The following CFAP36 variants were observed in gnomAD, a reference collection of about 807,000 sequenced individuals.
CFAP36 encodes the protein cilia and flagella associated protein 36.
A neutral mutation model predicts 50.5 loss-of-function variants in CFAP36; 37 were observed. The observed-to-expected ratio is 0.73, with a 90% CI of 0.56 to 0.96. CFAP36 has a LOEUF of 0.96. Among genes scored for constraint, CFAP36 ranks in the 50% least tolerant of loss-of-function variants. The probability of loss-of-function intolerance (pLI) is 0.00; values close to 1 mark genes in which losing one functional copy is unlikely to be tolerated. For missense variants in CFAP36, 407 were observed against 396.2 expected, an observed-to-expected ratio of 1.03 and a Z score of -0.23; for synonymous variants, 138 against 128.2, an observed-to-expected ratio of 1.08 and a Z score of -0.52.
At chr2:55,534,877 T>G (rs530645568) in intron 5 of CFAP36, among the ~76,000 whole-genome samples, 2 of 152,278 alleles carry the variant, frequency 1.3e-5, no homozygotes, top group African/African-American at 4.8e-5. Context: ...GATGCAGTGC[T>G]TAATTTCGGG....
intron 5 of CFAP36, among the ~76,000 whole-genome samples, chr2:55,535,448 C>A (rs922501720): frequency 6.6e-6 from 1 of 152,138 alleles, no homozygotes; most frequent in African/African-American, 2.4e-5. Context: ...ATCTGTTGAT[C>A]TTTATTCAGC....
chr2:55,543,257 T>A (rs1684687106), intron 7 of CFAP36, among the ~76,000 whole-genome samples: 1 of 152,144 alleles, frequency 6.6e-6, no homozygotes. Flanking sequence ...AACAATCACC[T>A]TATAATAAAA....
intron 7 of CFAP36, chr2:55,538,835 G>T: frequency 6.5e-7 from 1 of 1,533,476 alleles, no homozygotes; most frequent in Middle Eastern, 1.7e-4. Flanking sequence ...GACTTACCTT[G>T]GTCTTCTGAC....
At chr2:55,520,023 T>G in intron 1 of CFAP36, 107 bp downstream of exon 1, 2 of 965,520 alleles carry the variant, frequency 2.1e-6, no homozygotes, top group Non-Finnish European at 1.6e-6. Flanking sequence ...ACCCCCTGTC[T>G]CCACCCCTGT....
chr2:55,533,441 C>T (rs1028884992), intron 4 of CFAP36, among the ~76,000 whole-genome samples: 19 of 152,110 alleles, frequency 1.2e-4, no homozygotes, highest in Admixed American at 9.2e-4. Flanking sequence ...TGGTGGCTCA[C>T]GTCTGTAATC....
intron 3 of CFAP36, among the ~76,000 whole-genome samples, chr2:55,528,275 A>T (rs1684261736): frequency 1.3e-5 from 2 of 151,866 alleles, no homozygotes; most frequent in Admixed American, 6.6e-5. Flanking sequence ...TTTATTGCTG[A>T]TCATCTTTCT....
Position 55,522,167 on chromosome 2 carries a change from G to A in CFAP36, c.180+1G>A. The A allele has an allele frequency of 6.7e-7, 1 of 1,489,184 alleles. No individual in the cohort carries two copies. The highest frequency in any genetic ancestry group is 9.2e-7 in the Non-Finnish European group (1 of 1,090,108). The allele number at this position is 1,489,184 out of a possible 1,614,324, so 92.2% of individuals were successfully genotyped here. ...GATTCATCAGGAATACAAAGAACTA[G>A]TGAGTATTTTTTTTCACTGATTTTT... On this transcript the variant is annotated splice_donor_variant, in intron 2 of 9. Coordinates refer to ENST00000349456, the MANE Select transcript of CFAP36 (RefSeq NM_080667.7). LOFTEE classifies it high-confidence loss of function.
chr2:55,537,294 C>G (rs1425800037), intron 6 of CFAP36, among the ~76,000 whole-genome samples, 189 bp from the exon 7 acceptor site: 1 of 152,186 alleles, frequency 6.6e-6, no homozygotes, highest in South Asian at 2.1e-4. Flanking sequence ...TCATTTAAAT[C>G]CAGGAGCCGG....
chr2:55,523,587 G>A (rs1174903479), intron 2 of CFAP36, 134 bp from the exon 3 acceptor site: 3 of 502,694 alleles, frequency 6.0e-6, no homozygotes, highest in Non-Finnish European at 1.1e-5. Flanking sequence ...GAAAGACAAT[G>A]TCACTGTCAT....
chr2:55,522,385 T>C (rs1354181667), intron 2 of CFAP36, among the ~76,000 whole-genome samples: 1 of 152,252 alleles, frequency 6.6e-6, no homozygotes, highest in Non-Finnish European at 1.5e-5. Context: ...TTTACAACTC[T>C]TTATGGGTTC....
rs1425473622 is a variant in CFAP36, at chr2:55,528,958, G to C, written c.363G>C (p.Gln121His). Residue 121 changes from glutamine (Q) to histidine (H), a missense_variant, in exon 4 of 10, where the codon CAG becomes CAC. By Grantham distance (24) the Gln-to-His change is conservative (BLOSUM62 0). Coordinates refer to ENST00000349456, the MANE Select transcript of CFAP36 (RefSeq NM_080667.7). ...TGGTCCAGAAAAACATTGAAATGCA[G>C]CTGCAAGCCATTCGAATAATTCAAG... ...AMMVQKNIEM[Q>H]LQAIRIIQER... is the part of the protein sequence containing the mutation. The C allele has an allele frequency of 1.2e-6, 2 of 1,610,928 alleles. No individual in the cohort carries two copies. Among genetic ancestry groups the C allele is most frequent in the Admixed American group, 3.4e-5 (2 of 59,552 alleles).
intron 1 of CFAP36, among the ~76,000 whole-genome samples, chr2:55,521,462 T>A (rs139007784): frequency 2.1e-4 from 32 of 152,222 alleles, no homozygotes; most frequent in African/African-American, 7.5e-4. Context: ...AACAATAATA[T>A]TACATTAAAA....
At position 55,543,974 on chromosome 2, in the gene CFAP36, C is replaced by G. The variant is rs770334893; in HGVS notation, c.677C>G (p.Pro226Arg). 11 of 1,613,658 alleles carry G rather than the reference C, an allele frequency of 6.8e-6. No individual in the cohort carries two copies. Among genetic ancestry groups the G allele is most frequent in the South Asian group, 1.1e-5 (1 of 91,076 alleles). The change falls in exon 8 of 10, where the codon CCT (proline) becomes CGT (arginine). Residue 226 changes from proline to arginine, a missense_variant. Physicochemically the swap from Pro to Arg is moderately radical, Grantham distance 103 (BLOSUM62 -2). Coordinates refer to ENST00000349456, the MANE Select transcript of CFAP36 (RefSeq NM_080667.7). ...KMHFANQSIE[P>R]LGRKVERSET... ...CATTTTGCTAATCAGTCAATAGAAC[C>G]TTTGGGAAGAAAAGTGGAAAGGTCT...
chr2:55,535,985 G>C, intron 6 of CFAP36: 1 of 841,754 alleles, frequency 1.2e-6, no homozygotes, highest in African/African-American at 1.8e-5. Flanking sequence ...ACTGTATATA[G>C]TACAAACACC....
chr2:55,538,627 G>A, intron 7 of CFAP36: 1 of 595,312 alleles, frequency 1.7e-6, no homozygotes, highest in South Asian at 2.5e-5. Context: ...TATTTTTGTT[G>A]AGTCGGGTGT....
chr2:55,531,985 A>G (rs1347899818), intron 4 of CFAP36, among the ~76,000 whole-genome samples: 3 of 152,218 alleles, frequency 2.0e-5, no homozygotes. Context: ...ACATTTAAAC[A>G]TAAGGTAATA....
At position 55,529,931 on chromosome 2, in the gene CFAP36, A is replaced by C. The variant is rs1467851678; in HGVS notation, c.397+939A>C. Among the ~76,000 whole-genome samples, 4 of 152,274 alleles carry C rather than the reference A, an allele frequency of 2.6e-5. No individual in the cohort carries two copies. The South Asian group carries it at 6.2e-4, about 24-fold the overall frequency. On this transcript the variant is annotated intron_variant, in intron 4 of 9. Coordinates refer to ENST00000349456, the MANE Select transcript of CFAP36 (RefSeq NM_080667.7). ...AACGTGGCCGGAAGCAGTGGTTCTT[A>C]AGCTTTAGCAAGCATTGGAAATGGT...
In CFAP36 at chr2:55,537,510, A is replaced by G; in HGVS notation, c.565A>G (p.Thr189Ala). Residue 189 changes from threonine to alanine, a missense_variant, in exon 7 of 10, where the codon ACA (threonine) becomes GCA (alanine). Physicochemically the swap from Thr to Ala is moderately conservative, Grantham distance 58. Transcript: ENST00000349456. Reference protein sequence around the residue: ...QLSEAKTEEPTVHSSEAAIMN... With the variant: ...QLSEAKTEEPAVHSSEAAIMN... Reference sequence around the variant, plus strand: ...ATCAGAGGCTAAAACAGAAGAGCCCACAGTGCATTCCAGTGAAGCTGCAAT... The same window carrying G: ...ATCAGAGGCTAAAACAGAAGAGCCCGCAGTGCATTCCAGTGAAGCTGCAAT... 1 of 1,613,112 alleles carries G rather than the reference A, an allele frequency of 6.2e-7. No individual in the cohort carries two copies. The highest frequency in any genetic ancestry group is 8.5e-7 in the Non-Finnish European group (1 of 1,179,616).
At chr2:55,532,269 C>T (rs1684373888) in intron 4 of CFAP36, among the ~76,000 whole-genome samples, 2 of 151,210 alleles carry the variant, frequency 1.3e-5, no homozygotes, top group African/African-American at 2.4e-5. Flanking sequence ...GGGGTGAATA[C>T]CTTAGATTAA....
Sources: allele counts gnomAD v4.1 joint callset (sites outside exome capture counted in the v4.1 genomes callset), GRCh38; gene constraint gnomAD v4.1.1; transcripts MANE v1.5; gene names NCBI Gene and HGNC (gene_info 2026-07-23, HGNC 2026-07-21).